The following RPS6KA2 variants were observed in gnomAD, a reference collection of about 807,000 sequenced individuals.
RPS6KA2 encodes the protein ribosomal protein S6 kinase alpha-2.
In RPS6KA2, 42 loss-of-function variants were observed where a neutral mutation model predicts 91.8. The observed-to-expected ratio is 0.46, with a 90% confidence interval of 0.36 to 0.59. The LOEUF (loss-of-function observed/expected upper bound fraction) is 0.59, where lower values mean the gene tolerates loss of function less well. Ranked by LOEUF, RPS6KA2 falls within the 20% of genes least tolerant of loss-of-function variation. RPS6KA2 has a pLI of 0.00. For missense variants in RPS6KA2, 798 were observed against 978.5 expected (o/e 0.82, Z 2.46); for synonymous variants, 414 against 393.6 (o/e 1.05, Z -0.61).
intron 2 of RPS6KA2, among the ~76,000 whole-genome samples, chr6:166,686,847 T>G (rs1274625692): frequency 6.6e-6 from 1 of 152,190 alleles, no homozygotes; most frequent in African/African-American, 2.4e-5. Flanking sequence ...GATTAACATG[T>G]GCCAATTACA....
intron 2 of RPS6KA2, among the ~76,000 whole-genome samples, chr6:166,671,130 T>A (rs1788461085): frequency 6.6e-6 from 1 of 152,194 alleles, no homozygotes; most frequent in East Asian, 1.9e-4. Flanking sequence ...GTTATTTAAA[T>A]GCAATGTTCC....
At chr6:166,427,947 C>A (rs969250466) in intron 16 of RPS6KA2, among the ~76,000 whole-genome samples, 9 of 151,082 alleles carry the variant, frequency 6.0e-5, no homozygotes, top group African/African-American at 2.2e-4. Context: ...TTGGAAAAAA[C>A]TACTTTAAAG....
At chr6:166,656,584 C>A (rs1473547811) in intron 2 of RPS6KA2, among the ~76,000 whole-genome samples, 4 of 152,256 alleles carry the variant, frequency 2.6e-5, no homozygotes, top group Non-Finnish European at 2.9e-5. Flanking sequence ...GCCTCCGCCT[C>A]CAGCCCTGGT....
Position 166,437,118 on chromosome 6 carries a change from G to A in RPS6KA2, c.1333-4628C>T, listed in dbSNP as rs1023672601. 3.3e-5 allele frequency among the ~76,000 whole-genome samples: 5 copies of A among 152,060 alleles called. No homozygotes were observed. In the South Asian group the frequency reaches 8.3e-4, roughly 25 times the overall value. ...GCTGGAGAGTGCTAACGCAGGAGTG[G>A]GCAGTGAGGTGTGGCTACAGTCCTG... On this transcript the variant is annotated intron_variant, in intron 14 of 20. Transcript: ENST00000265678. This position sits in a 1 kb window ranked among gnomAD's most constrained non-coding sequence, Gnocchi z 4.3.
intron 1 of RPS6KA2, among the ~76,000 whole-genome samples, chr6:166,601,872 A>C (rs1206113643): frequency 6.6e-6 from 1 of 152,186 alleles, no homozygotes; most frequent in Non-Finnish European, 1.5e-5. Flanking sequence ...TATAATGTAA[A>C]GAAAAGGATG....
rs1245758761 is a variant in RPS6KA2 at position 166,748,675 on chromosome 6, CTCGGTCCCCCATT to C, written c.123+109512_123+109524del. Among the ~76,000 whole-genome samples the C allele has an allele frequency of 2.9e-4, 22 of 76,814 alleles. 1 individual carries two copies. Among genetic ancestry groups the C allele is most frequent in the African/African-American group, 1.3e-3 (18 of 13,372 alleles). The allele number at this position is 76,814 out of a possible 152,430, so 50.4% of individuals were successfully genotyped here. On this transcript the variant is annotated intron_variant, in intron 2 of 21. Transcript: ENST00000503859. Reference sequence around the variant, plus strand: ...CCCCACCTCCTCAGGCCCCCATCTCCTCGGTCCCCCATTTCCTCAGGCCCCCACCTCCTCAGGC... The same window carrying C: ...CCCCACCTCCTCAGGCCCCCATCTCCTCCTCAGGCCCCCACCTCCTCAGGC...
intron 2 of RPS6KA2, among the ~76,000 whole-genome samples, chr6:166,766,151 T>C (rs1778306164): frequency 6.6e-6 from 1 of 152,226 alleles, no homozygotes; most frequent in Non-Finnish European, 1.5e-5. Context: ...GATTGAATAT[T>C]TCTTTTCATG....
chr6:166,509,574 C>CCA (rs1202444153), intron 4 of RPS6KA2: 1 of 154,118 alleles, frequency 6.5e-6, no homozygotes, highest in African/African-American at 2.4e-5. Flanking sequence ...CAACCAAGAA[C>CCA]AAACTATTAG....
intron 1 of RPS6KA2, among the ~76,000 whole-genome samples, chr6:166,545,046 G>GA (rs1359144795): frequency 2.6e-5 from 4 of 152,168 alleles, no homozygotes; most frequent in Admixed American, 6.5e-5. Flanking sequence ...GCAGGAGAAG[G>GA]AAAGAGAAAG....
chr6:166,437,765 TCC>T lies in RPS6KA2; in HGVS notation c.1333-5277_1333-5276del, dbSNP rs1260557893. Among the ~76,000 whole-genome samples the T allele has an allele frequency of 5.3e-5, 8 of 152,312 alleles. No homozygotes were observed. The highest frequency in any genetic ancestry group is 1.4e-4 in the African/African-American group (6 of 41,576). On this transcript the variant is annotated intron_variant, in intron 14 of 20. Transcript: ENST00000265678. This position sits in a 1 kb window ranked among gnomAD's most constrained non-coding sequence, Gnocchi z 4.3. Reference sequence around the variant, plus strand: ...CCATGTGCCAAACAAACACTGCCATTCCTGCTGGCCGAAGGCGACAACAGGAG... The same window carrying T: ...CCATGTGCCAAACAAACACTGCCATTTGCTGGCCGAAGGCGACAACAGGAG...
At chr6:166,425,904 G>A (rs1299358137) in intron 16 of RPS6KA2, among the ~76,000 whole-genome samples, 2 of 152,208 alleles carry the variant, frequency 1.3e-5, no homozygotes, top group African/African-American at 4.8e-5. Flanking sequence ...GAGACAGAAA[G>A]TTAACAGGGA....
chr6:166,418,164 G>A lies in RPS6KA2; in HGVS notation c.1938+61C>T. 1 of 1,149,818 alleles carries A rather than the reference G, an allele frequency of 8.7e-7. No homozygotes were observed. Among genetic ancestry groups the A allele is most frequent in the East Asian group, 2.4e-5 (1 of 42,536 alleles). 71.2% of individuals were successfully genotyped at this position (1,149,818 alleles called of 1,614,324 possible). On this transcript the variant is annotated intron_variant, in intron 19 of 20. Coordinates refer to ENST00000265678, the MANE Select transcript of RPS6KA2 (RefSeq NM_021135.6). The surrounding 1 kb of genome is among the most constrained non-coding windows in gnomAD (Gnocchi z 4.9). ...TAAAACCTATCCCCTGGCTTCCTCA[G>A]AAATCATATGGCTATTTCAGAATCT...
rs575680980 is a variant in RPS6KA2, at chr6:166,449,328, T to G, written c.1207-479A>C. ...TCTTAACTAAGACAGAAAGCCACCA[T>G]GGCAGCCTGCACTGTCATGACAACG... On this transcript the variant is annotated intron_variant, in intron 13 of 20. Coordinates refer to ENST00000265678, the MANE Select transcript of RPS6KA2 (RefSeq NM_021135.6). Among the ~76,000 whole-genome samples, 297 of 152,228 alleles carry G rather than the reference T, an allele frequency of 2.0e-3. 2 individuals are homozygous for G. Among genetic ancestry groups the G allele is most frequent in the African/African-American group, 6.7e-3 (279 of 41,522 alleles).
At chr6:166,591,235 G>A (rs759113697) in intron 1 of RPS6KA2, among the ~76,000 whole-genome samples, 7 of 151,998 alleles carry the variant, frequency 4.6e-5, no homozygotes, top group African/African-American at 1.2e-4. Context: ...GGGGCACCTC[G>A]GAAAGATGTT....
At chr6:166,756,890 CA>C (rs1210259730) in intron 2 of RPS6KA2, among the ~76,000 whole-genome samples, 1 of 152,084 alleles carries the variant, frequency 6.6e-6, no homozygotes, top group Non-Finnish European at 1.5e-5. Flanking sequence ...ATAAAATGGG[CA>C]ACCTCAAGGG....
intron 2 of RPS6KA2, among the ~76,000 whole-genome samples, chr6:166,806,850 T>G (rs1779504961): frequency 1.3e-5 from 2 of 152,206 alleles, no homozygotes; most frequent in Admixed American, 1.3e-4. Context: ...AGATGTGATT[T>G]TGTGAGTTCA....
chr6:166,544,161 A>G (rs539570494), intron 1 of RPS6KA2, among the ~76,000 whole-genome samples: 1 of 152,274 alleles, frequency 6.6e-6, no homozygotes, highest in Admixed American at 6.5e-5. Flanking sequence ...ACTTTTAAAC[A>G]TTCTTAAAGG....
chr6:166,433,073 A>G lies in RPS6KA2; in HGVS notation c.1333-583T>C, dbSNP rs1289708242. 6.6e-6 allele frequency among the ~76,000 whole-genome samples: 1 copy of G among 151,716 alleles called. No individual in the cohort carries two copies. Among genetic ancestry groups the G allele is most frequent in the Non-Finnish European group, 1.5e-5 (1 of 67,950 alleles). On this transcript the variant is annotated intron_variant, in intron 14 of 20. Transcript: ENST00000265678. The surrounding 1 kb of genome is among the most constrained non-coding windows in gnomAD (Gnocchi z 4.4). Reference sequence around the variant, plus strand: ...TATAAGGTTGGGTGGAGACACGTGTAGGGAGCTCATGCAAGTGCCACCAAA... The same window carrying G: ...TATAAGGTTGGGTGGAGACACGTGTGGGGAGCTCATGCAAGTGCCACCAAA...
intron 1 of RPS6KA2, among the ~76,000 whole-genome samples, chr6:166,606,359 G>A (rs1249208270): frequency 6.6e-6 from 1 of 152,150 alleles, no homozygotes; most frequent in Non-Finnish European, 1.5e-5. Context: ...AAAAGCAAAA[G>A]CAAAAAGCAC....
Sources: allele counts gnomAD v4.1 joint callset (sites outside exome capture counted in the v4.1 genomes callset), GRCh38; gene constraint gnomAD v4.1.1; non-coding constraint Gnocchi (gnomAD v3.1); transcripts MANE v1.5; gene names NCBI Gene and HGNC (gene_info 2026-07-23, HGNC 2026-07-21).